ZNF560: variants seen among roughly 807,000 people sequenced by gnomAD.
ZNF560 encodes the protein zinc finger protein 560.
In ZNF560, 54 loss-of-function variants were observed where a neutral mutation model predicts 81.8. The observed-to-expected ratio is 0.66, with a 90% CI of 0.53 to 0.83. The LOEUF is 0.83. Among genes scored for constraint, ZNF560 ranks in the 40% least tolerant of loss-of-function variants. The probability of loss-of-function intolerance (pLI) is 0.00; values close to 1 mark genes in which losing one functional copy is unlikely to be tolerated. For missense variants in ZNF560, 940 were observed against 932.4 expected, an observed-to-expected ratio of 1.01 and a Z score of -0.11; for synonymous variants, 321 against 317.9, an observed-to-expected ratio of 1.01 and a Z score of -0.10.
downstream of ZNF560, among the ~76,000 whole-genome samples, chr19:9,464,263 T>C (rs139339580): frequency 2.5e-3 from 387 of 152,320 alleles, 2 homozygotes; most frequent in African/African-American, 9.1e-3. Flanking sequence ...TCATAGCACA[T>C]GGGCAAAATG....
At chr19:9,495,526 T>C (rs1373621295) in intron 2 of ZNF560, among the ~76,000 whole-genome samples, 1 of 152,134 alleles carries the variant, frequency 6.6e-6, no homozygotes, top group African/African-American at 2.4e-5. Flanking sequence ...GCCAACATGA[T>C]GATACCGCAT....
chr19:9,479,376 T>C (rs1449104737), intron 2 of ZNF560, among the ~76,000 whole-genome samples: 1 of 150,088 alleles, frequency 6.7e-6, no homozygotes, highest in Non-Finnish European at 1.5e-5. Flanking sequence ...AGGACATACA[T>C]AAATTAAAAA....
downstream of ZNF560, among the ~76,000 whole-genome samples, chr19:9,465,821 C>T (rs1171583997): frequency 2.6e-5 from 4 of 152,156 alleles, no homozygotes; most frequent in Admixed American, 6.5e-5. Context: ...GTTGAAACCC[C>T]GTCTCTACTA....
At chr19:9,477,252 C>T (rs1198617248) in intron 2 of ZNF560, among the ~76,000 whole-genome samples, 1 of 151,852 alleles carries the variant, frequency 6.6e-6, no homozygotes, top group African/African-American at 2.4e-5. Context: ...TGAACAATAT[C>T]CCTATTTAGT....
rs1172259538 is a variant in ZNF560, at chr19:9,466,362, GAGA to G, written c.*209_*211del. ...CTCATCAAAAAAAAAAAAAGAGAGA[GAGA>G]AGAACTAGTGTTTTCCTACATCCCT... On this transcript the variant is annotated 3_prime_UTR_variant, in exon 10 of 10. Coordinates refer to ENST00000301480, the MANE Select transcript of ZNF560 (RefSeq NM_152476.3). The G allele has an allele frequency of 1.4e-5, 7 of 486,994 alleles. No homozygotes were observed. The highest frequency in any genetic ancestry group is 4.2e-5 in the South Asian group (1 of 23,724). 30.2% of individuals were successfully genotyped at this position (486,994 alleles called of 1,614,324 possible).
chr19:9,491,305 A>G (rs1055297230), intron 2 of ZNF560, among the ~76,000 whole-genome samples: 5 of 151,916 alleles, frequency 3.3e-5, no homozygotes, highest in Middle Eastern at 3.2e-3. Flanking sequence ...CTTTTTTGGT[A>G]TAGATGGGAT....
At chr19:9,460,906 A>C in the ZNF560 span, among the ~76,000 whole-genome samples, 1 of 152,204 alleles carries the variant, frequency 6.6e-6, no homozygotes, top group African/African-American at 2.4e-5. Context: ...TTTAGCATGA[A>C]TTGCACCTCT....
At chr19:9,481,987 C>T (rs967587838) in intron 2 of ZNF560, among the ~76,000 whole-genome samples, 28 of 152,242 alleles carry the variant, frequency 1.8e-4, no homozygotes, top group Admixed American at 7.8e-4. Context: ...ATGTTTATTG[C>T]GGCACTATTC....
At chr19:9,494,229 T>C (rs528750863) in intron 2 of ZNF560, among the ~76,000 whole-genome samples, 3 of 151,942 alleles carry the variant, frequency 2.0e-5, no homozygotes, top group East Asian at 3.9e-4. Context: ...TCTTGTTAAG[T>C]GGAAATGCAG....
At chr19:9,494,662 G>T (rs1192700563) in intron 2 of ZNF560, among the ~76,000 whole-genome samples, 15 of 152,066 alleles carry the variant, frequency 9.9e-5, no homozygotes, top group Non-Finnish European at 1.6e-4. Context: ...CTTGAACCTG[G>T]GAGGCAGAGG....
intron 5 of ZNF560, 110 bp from the exon 6 acceptor site, chr19:9,471,488 G>GA (rs5827059): frequency 0.63 from 433,874 of 687,324 alleles, 142,401 homozygotes; most frequent in African/African-American, 0.83. Context: ...ATAAACATAA[G>GA]AAAAAAGAAA....
At chr19:9,482,600 C>G (rs535736209) in intron 2 of ZNF560, among the ~76,000 whole-genome samples, 1 of 151,960 alleles carries the variant, frequency 6.6e-6, no homozygotes, top group South Asian at 2.1e-4. Context: ...CACTCCAGCA[C>G]AGGCAAGAGC....
chr19:9,494,207 T>C (rs564779213), intron 2 of ZNF560, among the ~76,000 whole-genome samples: 2 of 150,390 alleles, frequency 1.3e-5, no homozygotes, highest in East Asian at 3.9e-4. Context: ...GGGTGAGAAA[T>C]TCTCCCTTCA....
chr19:9,470,624 C>G, intron 6 of ZNF560, 106 bp from the exon 7 acceptor site: 1 of 1,502,524 alleles, frequency 6.7e-7, no homozygotes. Context: ...ACTGAGTGCT[C>G]CCACTATCTA....
At chr19:9,496,874 T>C (rs912072733) in intron 2 of ZNF560, among the ~76,000 whole-genome samples, 2 of 151,580 alleles carry the variant, frequency 1.3e-5, no homozygotes, top group African/African-American at 4.8e-5. Context: ...AGGCAGAGGT[T>C]GCAGTAAGTC....
chr19:9,466,939 C>A lies in ZNF560; in HGVS notation c.2008G>T (p.Val670Leu), dbSNP rs572835773. 1 of 1,614,082 alleles carries A rather than the reference C, an allele frequency of 6.2e-7. No individual in the cohort carries two copies. The highest frequency in any genetic ancestry group is 1.3e-5 in the African/African-American group (1 of 75,034). ...TGAGTTTTTAAGTGTTGAGTTAGTA[C>A]ACAAGACCTACTGTAAGCTTTTTCA... is the stretch of plus-strand genomic sequence containing the variant. ...ACEKAYSRSC[V>L]LTQHLKTHAA... The change falls in exon 10 of 10, where the codon GTA (valine) becomes TTA (leucine). Residue 670 changes from valine (V) to leucine (L), a missense_variant. By Grantham distance (32) the Val-to-Leu change is conservative (BLOSUM62 1). Transcript: ENST00000301480.
the ZNF560 span, among the ~76,000 whole-genome samples, chr19:9,456,975 G>A: frequency 2.0e-5 from 3 of 152,166 alleles, no homozygotes; most frequent in Admixed American, 6.5e-5. Flanking sequence ...CAAAGTTCCC[G>A]CCAAGACTTA....
At chr19:9,505,364 A>C in the ZNF560 span, among the ~76,000 whole-genome samples, 5 of 152,190 alleles carry the variant, frequency 3.3e-5, no homozygotes, top group Non-Finnish European at 5.9e-5. Context: ...TTTGCATGGA[A>C]TATCTTCTTC....
the ZNF560 span, among the ~76,000 whole-genome samples, chr19:9,455,137 C>G: frequency 2.0e-5 from 3 of 152,270 alleles, no homozygotes; most frequent in Non-Finnish European, 2.9e-5. Context: ...TGGAAGTTCC[C>G]TGTTAGGATA....
Sources: gnomAD v4.1 joint callset for allele counts (sites outside exome capture counted in the v4.1 genomes callset) on GRCh38, gnomAD v4.1.1 for gene constraint, MANE v1.5 for transcripts, NCBI Gene and HGNC (gene_info 2026-07-23, HGNC 2026-07-21) for gene names.